Variants in SPOCK1 observed in about 807,000 individuals in gnomAD.
SPOCK1 encodes SPARC (osteonectin), cwcv and kazal like domains proteoglycan 1, also known as testican-1.
In SPOCK1, 23 loss-of-function variants were observed where a neutral mutation model predicts 55.3. The observed-to-expected ratio is 0.42, with a 90% CI of 0.30 to 0.59. SPOCK1 has a LOEUF of 0.59. Ranked by LOEUF, SPOCK1 falls within the 20% of genes least tolerant of loss-of-function variation. The pLI, the probability that SPOCK1 is intolerant of heterozygous loss-of-function variation, is 0.22. For synonymous variants in SPOCK1, 226 were observed against 221.0 expected, an observed-to-expected ratio of 1.02 and a Z score of -0.20; for missense variants, 499 against 552.5, an observed-to-expected ratio of 0.90 and a Z score of 0.97.
chr5:136,988,747 T>A (rs879176839), intron 7 of SPOCK1, 104 bp from the exon 8 acceptor site: 1 of 984,446 alleles, frequency 1.0e-6, no homozygotes, highest in African/African-American at 1.6e-5. Flanking sequence ...CCCACCTGAC[T>A]CCCTTCCTGA....
At chr5:137,392,948 G>C (rs142607427) in intron 2 of SPOCK1, among the ~76,000 whole-genome samples, 1 of 152,208 alleles carries the variant, frequency 6.6e-6, no homozygotes, top group East Asian at 1.9e-4. Flanking sequence ...ATAAAGTCCA[G>C]CCTCTTTCTC....
At chr5:137,187,626 C>A (rs76245514) in intron 3 of SPOCK1, among the ~76,000 whole-genome samples, 17,974 of 152,168 alleles carry the variant, frequency 0.12, 1,245 homozygotes, top group East Asian at 0.22. Context: ...GAGTACCCAG[C>A]GTGTACCAGG....
chr5:137,399,035 C>T (rs558213575), intron 2 of SPOCK1, among the ~76,000 whole-genome samples: 3 of 151,726 alleles, frequency 2.0e-5, no homozygotes, highest in Non-Finnish European at 2.9e-5. Flanking sequence ...AAAGCTTATG[C>T]AATGAAAGGC....
At chr5:137,062,462 A>C (rs1752410784) in intron 6 of SPOCK1, among the ~76,000 whole-genome samples, 1 of 151,680 alleles carries the variant, frequency 6.6e-6, no homozygotes, top group African/African-American at 2.4e-5. Context: ...TAGCTGAAAA[A>C]TCTACCTTAA....
chr5:137,320,485 A>G (rs918863252), intron 2 of SPOCK1, among the ~76,000 whole-genome samples: 8 of 152,248 alleles, frequency 5.3e-5, no homozygotes, highest in African/African-American at 1.9e-4. Flanking sequence ...AAGGGCTGCT[A>G]GAAGGAGTGG....
chr5:137,383,134 G>A (rs1245959966), intron 2 of SPOCK1, among the ~76,000 whole-genome samples: 1 of 152,110 alleles, frequency 6.6e-6, no homozygotes, highest in East Asian at 1.9e-4. Flanking sequence ...CCTTAGATTA[G>A]TCACTTAAGA....
chr5:137,391,205 T>A (rs2127179343), intron 2 of SPOCK1, among the ~76,000 whole-genome samples: 1 of 152,324 alleles, frequency 6.6e-6, no homozygotes, highest in East Asian at 1.9e-4. Flanking sequence ...TCCAGCTTTA[T>A]ACATGTCCCT....
intron 2 of SPOCK1, among the ~76,000 whole-genome samples, chr5:137,404,782 T>C (rs530751916): frequency 3.9e-5 from 6 of 152,250 alleles, no homozygotes; most frequent in African/African-American, 1.4e-4. Context: ...AGTTAACCCA[T>C]GGGTTTGTCA....
rs191898790 is a variant in SPOCK1, at chr5:137,429,231, G to T, written c.186+69142C>A. ...TCAGGCTGCTGTGTCTCTGGAAATA[G>T]ACGTGACTCTGCCCCTTGGGATCAC... is the stretch of plus-strand genomic sequence containing the variant. On this transcript the variant is annotated intron_variant, in intron 2 of 10. Coordinates refer to ENST00000394945, the MANE Select transcript of SPOCK1 (RefSeq NM_004598.4). Among the ~76,000 whole-genome samples the T allele has an allele frequency of 1.2e-3, 179 of 152,252 alleles. 2 individuals carry two copies. Among genetic ancestry groups the T allele is most frequent in the Non-Finnish European group, 2.2e-3 (152 of 68,032 alleles).
chr5:137,099,779 T>A (rs1311855110), intron 5 of SPOCK1, among the ~76,000 whole-genome samples: 1 of 152,126 alleles, frequency 6.6e-6, no homozygotes, highest in African/African-American at 2.4e-5. Flanking sequence ...ACTTAAGGCA[T>A]TGTATCCAGT....
intron 5 of SPOCK1, among the ~76,000 whole-genome samples, chr5:137,090,277 G>A (rs985267): frequency 6.6e-6 from 1 of 152,052 alleles, no homozygotes; most frequent in Admixed American, 6.5e-5. Flanking sequence ...AAACTGCTAC[G>A]TAATTTCTAA....
chr5:137,007,615 C>T (rs185801279), intron 6 of SPOCK1, among the ~76,000 whole-genome samples: 6 of 152,224 alleles, frequency 3.9e-5, no homozygotes, highest in African/African-American at 1.2e-4. Flanking sequence ...GTTAGAATGG[C>T]GCTCATTAAA....
intron 3 of SPOCK1, among the ~76,000 whole-genome samples, chr5:137,226,968 T>C (rs1755958579): frequency 6.6e-6 from 1 of 152,214 alleles, no homozygotes. Context: ...AATGAATGCA[T>C]GGATAGCTAG....
At chr5:137,473,981 G>A (rs10062673) in intron 2 of SPOCK1, among the ~76,000 whole-genome samples, 147,675 of 152,318 alleles carry the variant, frequency 0.97, 71,611 homozygotes, top group East Asian at 1. Context: ...TAAGTGAAGT[G>A]GCTCAGGAAT....
At chr5:137,256,086 T>C (rs1461137535) in intron 3 of SPOCK1, among the ~76,000 whole-genome samples, 1 of 152,188 alleles carries the variant, frequency 6.6e-6, no homozygotes, top group Non-Finnish European at 1.5e-5. Flanking sequence ...TGAGATCACA[T>C]GGGTTCCACT....
chr5:137,297,090 T>C (rs1249028070), intron 2 of SPOCK1, among the ~76,000 whole-genome samples: 1 of 152,224 alleles, frequency 6.6e-6, no homozygotes, highest in Non-Finnish European at 1.5e-5. Flanking sequence ...ATGTATATTT[T>C]CTTTTTGCCT....
chr5:137,278,238 C>A (rs1444591265), intron 2 of SPOCK1, among the ~76,000 whole-genome samples: 1 of 152,208 alleles, frequency 6.6e-6, no homozygotes, highest in African/African-American at 2.4e-5. Flanking sequence ...AGGCTCCAGC[C>A]TTTGGATCCA....
intron 2 of SPOCK1, among the ~76,000 whole-genome samples, chr5:137,335,485 T>C (rs1287334097): frequency 1.3e-5 from 2 of 152,242 alleles, no homozygotes; most frequent in East Asian, 3.8e-4. Flanking sequence ...GCTTTCATCA[T>C]CAAAAATTGA....
At chr5:137,031,303 T>C (rs973139232) in intron 6 of SPOCK1, among the ~76,000 whole-genome samples, 6 of 152,202 alleles carry the variant, frequency 3.9e-5, no homozygotes, top group Admixed American at 3.9e-4. Flanking sequence ...TAAAGTTAGG[T>C]CTGCCCTGAA....
Sources: allele counts gnomAD v4.1 joint callset (sites outside exome capture counted in the v4.1 genomes callset), GRCh38; gene constraint gnomAD v4.1.1; transcripts MANE v1.5; gene names NCBI Gene and HGNC (gene_info 2026-07-23, HGNC 2026-07-21).